RPS6KA2: variants seen among roughly 807,000 people sequenced by gnomAD.
The protein encoded by RPS6KA2 is ribosomal protein S6 kinase alpha-2.
Under a neutral mutation model 91.8 loss-of-function variants are expected in RPS6KA2, and 42 were observed. The observed-to-expected ratio is 0.46, with a 90% CI of 0.36 to 0.59. The LOEUF is 0.59. Among genes scored for constraint, RPS6KA2 ranks in the 20% least tolerant of loss-of-function variants. The probability of loss-of-function intolerance (pLI) is 0.00; values close to 1 mark genes in which losing one functional copy is unlikely to be tolerated. For missense variants in RPS6KA2, 798 were observed against 978.5 expected (o/e 0.82, Z 2.46); for synonymous variants, 414 against 393.6 (o/e 1.05, Z -0.61).
At chr6:166,690,070 G>A (rs2128570731) in intron 2 of RPS6KA2, among the ~76,000 whole-genome samples, 1 of 152,346 alleles carries the variant, frequency 6.6e-6, no homozygotes. Context: ...GAGGGGCTCT[G>A]GGAGCCCTGG....
At chr6:166,552,099 G>A (rs530538034) in intron 1 of RPS6KA2, among the ~76,000 whole-genome samples, 5 of 152,320 alleles carry the variant, frequency 3.3e-5, no homozygotes, top group African/African-American at 1.2e-4. Flanking sequence ...TTGTTACCCA[G>A]TGCTGCTCCA....
Position 166,533,116 on chromosome 6 carries a change from G to A in RPS6KA2, c.217-1803C>T, listed in dbSNP as rs889571937. ...GGTAGAGATGTGAAGGCAGTGGTCT[G>A]AGGACAGGATTTTTACAGAGAGAAA... On this transcript the variant is annotated intron_variant, in intron 2 of 20. Transcript: ENST00000265678. The surrounding 1 kb of genome is among the most constrained non-coding windows in gnomAD (Gnocchi z 4.0). Among the ~76,000 whole-genome samples, 4 of 152,230 alleles carry A rather than the reference G, an allele frequency of 2.6e-5. No individual in the cohort carries two copies. Among genetic ancestry groups the A allele is most frequent in the Admixed American group, 2.0e-4 (3 of 15,284 alleles).
At chr6:166,576,483 T>C (rs1263293253) in intron 1 of RPS6KA2, among the ~76,000 whole-genome samples, 1 of 152,142 alleles carries the variant, frequency 6.6e-6, no homozygotes, top group Non-Finnish European at 1.5e-5. Flanking sequence ...TGGTCTCAGA[T>C]GGAGATGAGG....
chr6:166,592,053 C>A (rs1218624492), intron 1 of RPS6KA2, among the ~76,000 whole-genome samples: 2 of 152,182 alleles, frequency 1.3e-5, no homozygotes, highest in Non-Finnish European at 2.9e-5. Flanking sequence ...CCAGCCAGGG[C>A]GCAGCAGTGA....
chr6:166,694,092 T>C (rs1203155385), intron 2 of RPS6KA2, among the ~76,000 whole-genome samples: 1 of 152,252 alleles, frequency 6.6e-6, no homozygotes, highest in Non-Finnish European at 1.5e-5. Flanking sequence ...AACCTCTTTA[T>C]GACTGGGGCT....
At position 166,639,928 on chromosome 6, in the gene RPS6KA2, A is replaced by G. The variant is rs1030267435; in HGVS notation, c.124-101144T>C. On this transcript the variant is annotated intron_variant, in intron 2 of 21. Transcript: ENST00000503859. The surrounding 1 kb of genome is among the most constrained non-coding windows in gnomAD (Gnocchi z 4.2). ...CTACTTCAGAGAAGCAAGTGTCCGT[A>G]GCGTTCCATGCGTGTGTGTAAACAG... Among the ~76,000 whole-genome samples, 1 of 152,244 alleles carries G rather than the reference A, an allele frequency of 6.6e-6. No homozygotes were observed. The highest frequency in any genetic ancestry group is 1.5e-5 in the Non-Finnish European group (1 of 68,044).
intron 8 of RPS6KA2, among the ~76,000 whole-genome samples, chr6:166,491,957 T>C (rs1781600482): frequency 2.0e-5 from 3 of 152,138 alleles, no homozygotes. Flanking sequence ...TATGACAAAA[T>C]GTATAGTGAG....
intron 2 of RPS6KA2, among the ~76,000 whole-genome samples, chr6:166,788,879 G>A (rs1045257606): frequency 4.6e-5 from 7 of 152,190 alleles, no homozygotes; most frequent in Non-Finnish European, 1.0e-4. Context: ...ATAGGTGGGT[G>A]GAGCCAAGAT....
At chr6:166,754,891 C>A (rs1418467821) in intron 2 of RPS6KA2, among the ~76,000 whole-genome samples, 1 of 152,142 alleles carries the variant, frequency 6.6e-6, no homozygotes, top group East Asian at 1.9e-4. Context: ...CAGGCCCTGC[C>A]CTGTCGCTCA....
intron 2 of RPS6KA2, among the ~76,000 whole-genome samples, chr6:166,757,316 T>C (rs187867133): frequency 2.9e-4 from 44 of 152,084 alleles, no homozygotes; most frequent in Admixed American, 1.2e-3. Context: ...AAACACAAGA[T>C]AAATTAAAAA....
chr6:166,470,116 G>C (rs895402417), intron 10 of RPS6KA2, among the ~76,000 whole-genome samples: 3 of 152,250 alleles, frequency 2.0e-5, no homozygotes, highest in Non-Finnish European at 4.4e-5. Flanking sequence ...TTGTGAGGCA[G>C]AGGTGGCCTG....
At chr6:166,801,562 G>T (rs1245484822) in intron 2 of RPS6KA2, among the ~76,000 whole-genome samples, 1 of 152,100 alleles carries the variant, frequency 6.6e-6, no homozygotes, top group African/African-American at 2.4e-5. Flanking sequence ...GCCCAGGCTG[G>T]TCTCCAACTC....
intron 2 of RPS6KA2, among the ~76,000 whole-genome samples, chr6:166,691,454 C>T (rs541996561): frequency 3.3e-5 from 5 of 152,264 alleles, no homozygotes; most frequent in East Asian, 1.9e-4. Flanking sequence ...ACACCTTCCC[C>T]GCCAAGCTCT....
chr6:166,700,693 C>A (rs6913194), intron 2 of RPS6KA2, among the ~76,000 whole-genome samples: 50,266 of 151,734 alleles, frequency 0.33, 10,186 homozygotes, highest in African/African-American at 0.57. Context: ...AATTATTCTG[C>A]TCCAATTTTA....
In RPS6KA2 at chr6:166,493,663, C is replaced by A. The variant is rs910252458; in HGVS notation, c.748-2922G>T. Among the ~76,000 whole-genome samples the A allele has an allele frequency of 3.9e-5, 6 of 151,950 alleles. No homozygotes were observed. The highest frequency in any genetic ancestry group is 1.3e-4 in the Admixed American group (2 of 15,240). On this transcript the variant is annotated intron_variant, in intron 8 of 20. Transcript: ENST00000265678. This position sits in a 1 kb window ranked among gnomAD's most constrained non-coding sequence, Gnocchi z 4.7. ...TAGCCAAAGCTCCACCGGGTGCAGG[C>A]CCGATGCTTCTGGGAAGGTAATTGG...
At position 166,518,087 on chromosome 6, in the gene RPS6KA2, T is replaced by C. The variant is rs6929792; in HGVS notation, c.299-7730A>G. 9.9e-3 allele frequency among the ~76,000 whole-genome samples: 1,502 copies of C among 151,940 alleles called. 21 individuals are homozygous for C. The highest frequency in any genetic ancestry group is 0.033 in the African/African-American group (1,366 of 41,426). On this transcript the variant is annotated intron_variant, in intron 3 of 20. Coordinates refer to ENST00000265678, the MANE Select transcript of RPS6KA2 (RefSeq NM_021135.6). ...AGGGTCTCCACCACTGAGCTGGTCT[T>C]GGCACCTGAGCAACATGGTAAAACC... is the stretch of plus-strand genomic sequence containing the variant.
chr6:166,862,150 C>G lies in RPS6KA2; in HGVS notation c.21G>C (p.Leu7=), dbSNP rs762557258. Residue 7 remains leucine, a synonymous_variant, in exon 1 of 22, where the codon CTG becomes CTC. Coordinates refer to the RPS6KA2 transcript ENST00000503859. ...CCACCTCGATCTTTTTCCATAGTTC[C>G]AGCAACTGTGCGATTGGCATTTTTA... 1.1e-5 allele frequency: 17 copies of G among 1,614,132 alleles called. No homozygotes were observed. In the East Asian group the frequency reaches 1.6e-4, roughly 15 times the overall value.
At position 166,510,257 on chromosome 6, in the gene RPS6KA2, G is replaced by T; in HGVS notation, c.379+20C>A. Reference sequence around the variant, plus strand: ...GGTTGCCCTGGGTCCTCTTTAAAGTGTCATTTTGACTCTACTTACCATAAT... The same window carrying T: ...GGTTGCCCTGGGTCCTCTTTAAAGTTTCATTTTGACTCTACTTACCATAAT... On this transcript the variant is annotated intron_variant, in intron 4 of 20. Coordinates refer to ENST00000265678, the MANE Select transcript of RPS6KA2 (RefSeq NM_021135.6). The T allele has an allele frequency of 6.7e-7, 1 of 1,501,656 alleles. No homozygotes were observed. The highest frequency in any genetic ancestry group is 9.2e-7 in the Non-Finnish European group (1 of 1,083,954). The allele number at this position is 1,501,656 out of a possible 1,614,324, so 93.0% of individuals were successfully genotyped here.
chr6:166,742,666 TC>T, intron 2 of RPS6KA2, among the ~76,000 whole-genome samples: 1 of 152,284 alleles, frequency 6.6e-6, no homozygotes, highest in Middle Eastern at 3.4e-3. Context: ...ACCTTCCTCT[TC>T]TGTGCTTCTC....
Sources: allele counts gnomAD v4.1 joint callset (sites outside exome capture counted in the v4.1 genomes callset), GRCh38; gene constraint gnomAD v4.1.1; non-coding constraint Gnocchi (gnomAD v3.1); transcripts MANE v1.5; gene names NCBI Gene and HGNC (gene_info 2026-07-23, HGNC 2026-07-21).